C2CD2: variants seen among roughly 807,000 people sequenced by gnomAD.
C2CD2 encodes C2 domain-containing protein 2.
Under a neutral mutation model 74.3 loss-of-function variants are expected in C2CD2, and 43 were observed. The ratio of observed to expected loss-of-function variants is 0.58; its 90% CI spans 0.45 to 0.75. The LOEUF is 0.75. C2CD2 is among the 30% of genes least tolerant of loss of function. The pLI is 0.00. For missense variants in C2CD2, 801 were observed against 916.3 expected (o/e 0.87, Z 1.63); for synonymous variants, 422 against 390.7 (o/e 1.08, Z -0.94).
intron 1 of C2CD2, among the ~76,000 whole-genome samples, chr21:41,947,567 T>C (rs1022542809): frequency 1.3e-5 from 2 of 152,190 alleles, no homozygotes; most frequent in African/African-American, 2.4e-5. Context: ...TTATGCAAGG[T>C]TGAGTGAGGA....
At chr21:41,937,870 C>T (rs185089929) in intron 2 of C2CD2, among the ~76,000 whole-genome samples, 141 of 152,272 alleles carry the variant, frequency 9.3e-4, no homozygotes, top group African/African-American at 3.3e-3. Context: ...ACAAATTCCA[C>T]GTGATCTCAC....
rs927281905 is a variant in C2CD2, at chr21:41,928,786, G to A, written c.379-6701C>T. Among the ~76,000 whole-genome samples the A allele has an allele frequency of 3.3e-5, 5 of 152,114 alleles. No homozygotes were observed. In the East Asian group the frequency reaches 9.7e-4, roughly 29 times the overall value. ...CCACACACACCCAGGGCGAGTTATG[G>A]GTTTCCCCTAGAGAGGATATGGAAT... is the stretch of plus-strand genomic sequence containing the variant. On this transcript the variant is annotated intron_variant, in intron 2 of 13. Transcript: ENST00000380486.
chr21:41,919,905 C>T (rs1012267169), intron 3 of C2CD2, among the ~76,000 whole-genome samples: 4 of 152,206 alleles, frequency 2.6e-5, no homozygotes, highest in African/African-American at 7.2e-5. Context: ...TGGGTCCTTC[C>T]GAAGAGCCCA....
At chr21:41,898,918 AG>A in intron 13 of C2CD2, 134 bp downstream of exon 13, 1 of 709,208 alleles carries the variant, frequency 1.4e-6, no homozygotes, top group Non-Finnish European at 2.5e-6. Context: ...GCATTTCTGG[AG>A]GGGCAGGGGT....
chr21:41,940,473 G>A (rs1184774026), intron 2 of C2CD2, among the ~76,000 whole-genome samples: 1 of 152,194 alleles, frequency 6.6e-6, no homozygotes, highest in Non-Finnish European at 1.5e-5. Context: ...CCTCAGTCTG[G>A]GGCCACACAG....
chr21:41,933,227 CTTAT>C (rs2065278104), intron 2 of C2CD2, among the ~76,000 whole-genome samples: 1 of 149,340 alleles, frequency 6.7e-6, no homozygotes, highest in East Asian at 1.9e-4. Flanking sequence ...TTTTCTACCT[CTTAT>C]TTGTCACAGG....
At chr21:41,946,161 G>A (rs1187944708) in intron 1 of C2CD2, among the ~76,000 whole-genome samples, 1 of 152,188 alleles carries the variant, frequency 6.6e-6, no homozygotes, top group Non-Finnish European at 1.5e-5. Flanking sequence ...CTGCACACAA[G>A]ATACACCAAT....
chr21:41,914,808 G>A, intron 5 of C2CD2, 87 bp from the exon 6 acceptor site: 2 of 1,174,390 alleles, frequency 1.7e-6, no homozygotes, highest in Non-Finnish European at 2.4e-6. Flanking sequence ...GTTATGGGGG[G>A]TGGTGGCAGT....
chr21:41,931,694 T>G (rs1219720306), intron 2 of C2CD2, among the ~76,000 whole-genome samples: 1 of 150,278 alleles, frequency 6.7e-6, no homozygotes, highest in Admixed American at 6.7e-5. Context: ...GTGCTGGGAT[T>G]ACAAGCGTGA....
chr21:41,944,669 G>A (rs2065384514), intron 1 of C2CD2, among the ~76,000 whole-genome samples: 1 of 152,120 alleles, frequency 6.6e-6, no homozygotes, highest in Non-Finnish European at 1.5e-5. Context: ...AGCAGGGTGT[G>A]CCTGCCTGCC....
chr21:41,916,784 C>T (rs944536450), intron 5 of C2CD2, among the ~76,000 whole-genome samples: 1 of 152,020 alleles, frequency 6.6e-6, no homozygotes, highest in Non-Finnish European at 1.5e-5. Flanking sequence ...ATAAACTGTA[C>T]AAATTTATGG....
At chr21:41,911,339 T>G (rs1026633734) in intron 7 of C2CD2, among the ~76,000 whole-genome samples, 2 of 152,074 alleles carry the variant, frequency 1.3e-5, no homozygotes, top group African/African-American at 4.8e-5. Context: ...TTATTTATGA[T>G]TCTTACCCCA....
Position 41,895,982 on chromosome 21 carries a change from C to T in C2CD2, c.1870+3071G>A, listed in dbSNP as rs1418726558. Among the ~76,000 whole-genome samples the T allele has an allele frequency of 1.3e-5, 2 of 152,194 alleles. No individual in the cohort carries two copies. Among genetic ancestry groups the T allele is most frequent in the African/African-American group, 4.8e-5 (2 of 41,424 alleles). On this transcript the variant is annotated intron_variant, in intron 13 of 13. Transcript: ENST00000380486. The surrounding 1 kb of genome is among the most constrained non-coding windows in gnomAD (Gnocchi z 5.0). Reference sequence around the variant, plus strand: ...CTTCCTGTGGGTGTCACAGCGAGGTCGCCTGGCCACATCAGGTACCAGAGC... The same window carrying T: ...CTTCCTGTGGGTGTCACAGCGAGGTTGCCTGGCCACATCAGGTACCAGAGC...
chr21:41,891,931 T>A (rs373728143), intron 13 of C2CD2, among the ~76,000 whole-genome samples: 5 of 152,134 alleles, frequency 3.3e-5, no homozygotes, highest in Admixed American at 2.6e-4. Context: ...GGCGTCTGTA[T>A]CCAGGCCTGA....
chr21:41,890,936 A>G (rs755656009), intron 13 of C2CD2, among the ~76,000 whole-genome samples: 105 of 152,344 alleles, frequency 6.9e-4, no homozygotes, highest in Non-Finnish European at 1.3e-3. Context: ...GTTACAGGAC[A>G]GAAACTGAGA....
intron 1 of C2CD2, among the ~76,000 whole-genome samples, chr21:41,951,713 A>G (rs2065452107): frequency 6.6e-6 from 1 of 152,242 alleles, no homozygotes; most frequent in Admixed American, 6.5e-5. Context: ...GACAGATGCC[A>G]GGGACATCCT....
intron 6 of C2CD2, among the ~76,000 whole-genome samples, chr21:41,913,126 A>G (rs2065047934): frequency 6.6e-6 from 1 of 152,248 alleles, no homozygotes; most frequent in African/African-American, 2.4e-5. Context: ...GCCAAAGCCT[A>G]AACATCAGTT....
chr21:41,950,871 T>C (rs1360821591), intron 1 of C2CD2, among the ~76,000 whole-genome samples: 2 of 152,218 alleles, frequency 1.3e-5, no homozygotes, highest in African/African-American at 4.8e-5. Flanking sequence ...GATTAAGTTA[T>C]TACCAGTGTC....
intron 10 of C2CD2, 113 bp from the exon 11 acceptor site, chr21:41,905,950 A>C: frequency 2.8e-6 from 2 of 720,744 alleles, no homozygotes; most frequent in Non-Finnish European, 5.1e-6. Context: ...CAGTTGGTAA[A>C]GGCAAAGCTT....
Sources: gnomAD v4.1 joint callset for allele counts (sites outside exome capture counted in the v4.1 genomes callset) on GRCh38, gnomAD v4.1.1 for gene constraint, Gnocchi (gnomAD v3.1) non-coding constraint, MANE v1.5 for transcripts, NCBI Gene and HGNC (gene_info 2026-07-23, HGNC 2026-07-21) for gene names.